The following HS1BP3 variants were observed in gnomAD, a reference collection of about 807,000 sequenced individuals.
HS1BP3 encodes the protein HCLS1 binding protein 3.
In HS1BP3, 32 loss-of-function variants were observed where a neutral mutation model predicts 33.5. The observed-to-expected ratio is 0.95, with a 90% CI of 0.72 to 1.28. The LOEUF is 1.28. Among genes scored for constraint, HS1BP3 ranks in the 50% most tolerant of loss-of-function variants. HS1BP3 has a pLI of 0.00. For missense variants in HS1BP3, 486 were observed against 502.3 expected (o/e 0.97, Z 0.31); for synonymous variants, 187 against 209.2 (o/e 0.89, Z 0.92).
At chr2:20,587,701 G>A (rs1168155765), downstream of HS1BP3, among the ~76,000 whole-genome samples, 7 of 152,022 alleles carry the variant, frequency 4.6e-5, no homozygotes, top group Admixed American at 3.9e-4. Flanking sequence ...AGCTGAGATC[G>A]CACTACTGCA....
intron 1 of HS1BP3, among the ~76,000 whole-genome samples, chr2:20,647,567 T>G (rs1418962111): frequency 6.6e-6 from 1 of 152,148 alleles, no homozygotes; most frequent in Non-Finnish European, 1.5e-5. Flanking sequence ...AAAGGCATGT[T>G]CGGGCCTAGG....
chr2:20,591,685 C>T (rs1008914562), downstream of HS1BP3, among the ~76,000 whole-genome samples: 5 of 152,160 alleles, frequency 3.3e-5, no homozygotes, highest in Non-Finnish European at 5.9e-5. Flanking sequence ...GATTCTCATG[C>T]CTCAGCCTCC....
chr2:20,599,332 C>T (rs1366573920), intron 2 of HS1BP3, among the ~76,000 whole-genome samples: 1 of 152,238 alleles, frequency 6.6e-6, no homozygotes, highest in East Asian at 1.9e-4. Context: ...GGCAATCCTG[C>T]CAGCCACAGG....
downstream of HS1BP3, among the ~76,000 whole-genome samples, chr2:20,589,815 G>A (rs908680717): frequency 6.6e-6 from 1 of 152,074 alleles, no homozygotes; most frequent in Non-Finnish European, 1.5e-5. Flanking sequence ...CTGGTGGAGG[G>A]AGACTCCTCA....
At chr2:20,569,459 C>G (rs1425441368) in intron 5 of HS1BP3, among the ~76,000 whole-genome samples, 2 of 152,152 alleles carry the variant, frequency 1.3e-5, no homozygotes, top group African/African-American at 4.8e-5. Context: ...AGAAATATAT[C>G]AGACACCCAA....
intron 5 of HS1BP3, among the ~76,000 whole-genome samples, chr2:20,562,084 C>T (rs981133341): frequency 5.3e-5 from 8 of 152,200 alleles, no homozygotes; most frequent in African/African-American, 1.9e-4. Flanking sequence ...GGAATGCACC[C>T]GGACAAGGCA....
chr2:20,613,830 T>C (rs1694362798), downstream of HS1BP3, among the ~76,000 whole-genome samples: 1 of 152,190 alleles, frequency 6.6e-6, no homozygotes, highest in African/African-American at 2.4e-5. Context: ...CAGAATGGAA[T>C]GGGCCTCTGC....
At chr2:20,584,410 C>T (rs1693631171) in intron 5 of HS1BP3, among the ~76,000 whole-genome samples, 1 of 152,240 alleles carries the variant, frequency 6.6e-6, no homozygotes, top group African/African-American at 2.4e-5. Context: ...GCTGACTCAG[C>T]CTGCCTGCTC....
chr2:20,641,300 C>T, intron 2 of HS1BP3, 120 bp from the exon 3 acceptor site: 3 of 769,234 alleles, frequency 3.9e-6, no homozygotes, highest in East Asian at 2.6e-5. Flanking sequence ...GTACGCCCGC[C>T]TGCTGCCCCT....
intron 6 of HS1BP3, chr2:20,622,167 T>A: frequency 7.8e-7 from 1 of 1,279,794 alleles, no homozygotes. Context: ...AACGAAGGGG[T>A]GAAAGCATGA....
chr2:20,559,766 G>A (rs13401948), downstream of HS1BP3, among the ~76,000 whole-genome samples: 5,713 of 152,070 alleles, frequency 0.038, 360 homozygotes, highest in African/African-American at 0.13. Flanking sequence ...TAGATGGGTG[G>A]CAGACATTGT....
In HS1BP3 at chr2:20,625,473, C is replaced by G. The variant is rs537221364; in HGVS notation, c.624-581G>C. Among the ~76,000 whole-genome samples the G allele has an allele frequency of 5.3e-5, 8 of 152,356 alleles. No individual in the cohort carries two copies. The South Asian group carries it at 1.4e-3, about 28-fold the overall frequency. ...ACAGCCACTCAGAAATGGGGATGGACCTGGTCTTGAGCCACAAACCTCAGG... is the reference window on the plus strand; with the variant it reads ...ACAGCCACTCAGAAATGGGGATGGAGCTGGTCTTGAGCCACAAACCTCAGG... On this transcript the variant is annotated intron_variant, in intron 4 of 6. Coordinates refer to ENST00000304031, the MANE Select transcript of HS1BP3 (RefSeq NM_022460.4).
Position 20,640,956 on chromosome 2 carries a change from G to A in HS1BP3, c.406+17C>T. ...GGCCGGGGAGACCTGAGGGACATGG[G>A]GCAGAGCCTTGGGTACCTAAGAACT... On this transcript the variant is annotated intron_variant, in intron 3 of 6. Transcript: ENST00000304031. 4.3e-6 allele frequency: 7 copies of A among 1,613,246 alleles called. No individual in the cohort carries two copies. Among genetic ancestry groups the A allele is most frequent in the Non-Finnish European group, 5.1e-6 (6 of 1,179,188 alleles).
intron 4 of HS1BP3, among the ~76,000 whole-genome samples, chr2:20,631,792 C>G (rs1167579738): frequency 6.6e-6 from 1 of 152,126 alleles, no homozygotes; most frequent in Non-Finnish European, 1.5e-5. Flanking sequence ...CACCAGGGAA[C>G]CACGTGGGTC....
At chr2:20,586,002 G>T (rs1003023689) in intron 5 of HS1BP3, among the ~76,000 whole-genome samples, 1 of 148,434 alleles carries the variant, frequency 6.7e-6, no homozygotes, top group African/African-American at 2.5e-5. Context: ...CGCAGATTCC[G>T]GCTTTGAGCC....
At chr2:20,559,651 GATGGGTGC>G (rs1437913792), downstream of HS1BP3, among the ~76,000 whole-genome samples, 6 of 22,648 alleles carry the variant, frequency 2.6e-4, no homozygotes, top group African/African-American at 3.2e-4. Context: ...TGGATGGATG[GATGGGTGC>G]ATGGATGGAT....
At chr2:20,605,299 C>T (rs955082065) in intron 2 of HS1BP3, among the ~76,000 whole-genome samples, 1 of 152,318 alleles carries the variant, frequency 6.6e-6, no homozygotes, top group Non-Finnish European at 1.5e-5. Flanking sequence ...CTTCCATCCT[C>T]CACACCCTTC....
At chr2:20,624,247 AG>A (rs1236458639) in intron 5 of HS1BP3, among the ~76,000 whole-genome samples, 1 of 152,198 alleles carries the variant, frequency 6.6e-6, no homozygotes, top group Admixed American at 6.5e-5. Context: ...GACTAGGGAC[AG>A]GGACTAGGTC....
intron 5 of HS1BP3, among the ~76,000 whole-genome samples, chr2:20,583,437 T>C (rs7564684): frequency 1.0e-3 from 140 of 140,296 alleles, no homozygotes; most frequent in African/African-American, 4.1e-3. Flanking sequence ...AGGGGCGCAG[T>C]TGGTTCTCAC....
Sources: allele counts gnomAD v4.1 joint callset (sites outside exome capture counted in the v4.1 genomes callset), GRCh38; gene constraint gnomAD v4.1.1; transcripts MANE v1.5; gene names NCBI Gene and HGNC (gene_info 2026-07-23, HGNC 2026-07-21).